Variants in DENND1B observed in about 807,000 individuals in gnomAD.
The protein encoded by DENND1B is DENN domain-containing protein 1B.
A neutral mutation model predicts 90.1 loss-of-function variants in DENND1B; 59 were observed. The ratio of observed to expected loss-of-function variants is 0.65; its 90% confidence interval spans 0.53 to 0.81. The LOEUF (loss-of-function observed/expected upper bound fraction) is 0.81. Ranked by LOEUF, DENND1B falls within the 40% of genes least tolerant of loss-of-function variation. The probability of loss-of-function intolerance (pLI) is 0.00; values close to 1 mark genes in which losing one functional copy is unlikely to be tolerated. For missense variants in DENND1B, 862 were observed against 912.6 expected, an observed-to-expected ratio of 0.94 and a Z score of 0.71; for synonymous variants, 337 against 324.6, an observed-to-expected ratio of 1.04 and a Z score of -0.41.
At chr1:197,642,582 A>G in intron 10 of DENND1B, 129 bp downstream of exon 10, 1 of 561,860 alleles carries the variant, frequency 1.8e-6, no homozygotes. Flanking sequence ...GATTAAAACC[A>G]TACATCAAAA....
intron 2 of DENND1B, among the ~76,000 whole-genome samples, chr1:197,745,649 A>G (rs1663666667): frequency 6.8e-6 from 1 of 147,510 alleles, no homozygotes; most frequent in South Asian, 2.1e-4. Flanking sequence ...TAATATATAT[A>G]ATAATAATGA....
intron 2 of DENND1B, among the ~76,000 whole-genome samples, chr1:197,765,079 C>T (rs1387141670): frequency 1.3e-5 from 2 of 152,180 alleles, no homozygotes; most frequent in Non-Finnish European, 2.9e-5. Context: ...CTACTCTTCT[C>T]TTATTCAGTG....
intron 20 of DENND1B, among the ~76,000 whole-genome samples, chr1:197,529,242 A>ATATATATATATATG (rs1553277550): frequency 1.8e-4 from 2 of 10,864 alleles, no homozygotes; most frequent in African/African-American, 3.4e-4. Flanking sequence ...ATATATATAT[A>ATATATATATATATG]TGTGTGTGTG....
Position 197,649,166 on chromosome 1 carries a change from T to C in DENND1B, c.448-2052A>G, listed in dbSNP as rs80063032. 6.7e-4 allele frequency among the ~76,000 whole-genome samples: 102 copies of C among 152,274 alleles called. No individual in the cohort carries two copies. In the East Asian group the frequency reaches 0.02, roughly 29 times the overall value. On this transcript the variant is annotated intron_variant, in intron 7 of 22. Coordinates refer to ENST00000620048, the MANE Select transcript of DENND1B (RefSeq NM_001195215.2). ...AAAGCATGATGTTCATTCAAGAAGC[T>C]GAACAAAACAATGTGACCAGAATAG...
intron 2 of DENND1B, among the ~76,000 whole-genome samples, chr1:197,756,648 T>C (rs552781385): frequency 5.4e-4 from 80 of 147,182 alleles, no homozygotes; most frequent in African/African-American, 1.9e-3. Context: ...GGGAAAACAA[T>C]GGCATAAACA....
At chr1:197,637,987 G>C (rs1326178050) in intron 10 of DENND1B, among the ~76,000 whole-genome samples, 6 of 152,168 alleles carry the variant, frequency 3.9e-5, no homozygotes, top group Non-Finnish European at 8.8e-5. Context: ...TCCATTAAGA[G>C]ACAAATCAAG....
intron 2 of DENND1B, among the ~76,000 whole-genome samples, chr1:197,745,627 T>TG (rs1663656624): frequency 6.8e-6 from 1 of 146,734 alleles, no homozygotes; most frequent in South Asian, 2.1e-4. Context: ...TATATATATA[T>TG]ATATATATAT....
chr1:197,650,916 T>A (rs1653083879), intron 7 of DENND1B, among the ~76,000 whole-genome samples: 1 of 152,176 alleles, frequency 6.6e-6, no homozygotes, highest in Non-Finnish European at 1.5e-5. Context: ...TATGGTGTAG[T>A]GTATACTGCT....
chr1:197,643,912 T>C (rs1016981743), intron 9 of DENND1B, among the ~76,000 whole-genome samples: 2 of 152,186 alleles, frequency 1.3e-5, no homozygotes, highest in South Asian at 2.1e-4. Flanking sequence ...CAACAAGATA[T>C]AACAAACAAA....
At chr1:197,744,189 T>C (rs1375839386) in intron 2 of DENND1B, among the ~76,000 whole-genome samples, 2 of 152,192 alleles carry the variant, frequency 1.3e-5, no homozygotes, top group South Asian at 2.1e-4. Flanking sequence ...CCTCCTCCCA[T>C]GAATCATGAA....
At chr1:197,707,228 G>A (rs1216262074) in intron 3 of DENND1B, among the ~76,000 whole-genome samples, 3 of 152,128 alleles carry the variant, frequency 2.0e-5, no homozygotes, top group Admixed American at 2.0e-4. Context: ...TAGAAGTAGA[G>A]TAGAATAGTG....
At chr1:197,629,320 A>G (rs1200204841) in intron 10 of DENND1B, among the ~76,000 whole-genome samples, 1 of 152,114 alleles carries the variant, frequency 6.6e-6, no homozygotes, top group Non-Finnish European at 1.5e-5. Context: ...AATGTGGCAC[A>G]TATACACCAT....
intron 20 of DENND1B, among the ~76,000 whole-genome samples, chr1:197,535,141 T>A (rs1277621024): frequency 1.3e-5 from 2 of 152,188 alleles, no homozygotes; most frequent in Admixed American, 1.3e-4. Flanking sequence ...TTTTTGCTAG[T>A]GTAAGTGGCT....
At chr1:197,749,118 T>C (rs1358474131) in intron 2 of DENND1B, among the ~76,000 whole-genome samples, 2 of 149,794 alleles carry the variant, frequency 1.3e-5, no homozygotes, top group African/African-American at 4.9e-5. Flanking sequence ...CAAAAAATAC[T>C]GAGAAAAATA....
intron 12 of DENND1B, among the ~76,000 whole-genome samples, chr1:197,608,720 G>A (rs1676912900): frequency 6.6e-6 from 1 of 150,464 alleles, no homozygotes; most frequent in African/African-American, 2.4e-5. Flanking sequence ...AAAGCTATGT[G>A]CCCCCAAAGT....
intron 20 of DENND1B, among the ~76,000 whole-genome samples, chr1:197,515,619 G>A (rs1227615838): frequency 6.6e-6 from 1 of 151,764 alleles, no homozygotes; most frequent in African/African-American, 2.4e-5. Flanking sequence ...TAAAATCACT[G>A]CTACTTAAGA....
At chr1:197,511,626 G>T (rs1048386049) in intron 22 of DENND1B, 102 bp downstream of exon 22, 4 of 778,904 alleles carry the variant, frequency 5.1e-6, no homozygotes, top group Non-Finnish European at 7.5e-6. Flanking sequence ...TACCTACTTA[G>T]AGGTTAAATG....
At position 197,721,691 on chromosome 1, in the gene DENND1B, T is replaced by C. The variant is rs113457545; in HGVS notation, c.83-6617A>G. Reference sequence around the variant, plus strand: ...AATAAATAATTTATATTTTCCTTTATTACATATAGACTTGATATGACAACA... The same window carrying C: ...AATAAATAATTTATATTTTCCTTTACTACATATAGACTTGATATGACAACA... On this transcript the variant is annotated intron_variant, in intron 2 of 22. Coordinates refer to ENST00000620048, the MANE Select transcript of DENND1B (RefSeq NM_001195215.2). Among the ~76,000 whole-genome samples the C allele has an allele frequency of 3.0e-3, 453 of 152,154 alleles. 3 individuals carry two copies. Among genetic ancestry groups the C allele is most frequent in the South Asian group, 4.8e-3 (23 of 4,820 alleles).
chr1:197,725,743 T>TA (rs1661568026), intron 2 of DENND1B, among the ~76,000 whole-genome samples: 1 of 151,378 alleles, frequency 6.6e-6, no homozygotes, highest in South Asian at 2.1e-4. Flanking sequence ...AAGCAGAACA[T>TA]AAAGGGCCTT....
Sources: allele counts gnomAD v4.1 joint callset (sites outside exome capture counted in the v4.1 genomes callset), GRCh38; gene constraint gnomAD v4.1.1; transcripts MANE v1.5; gene names NCBI Gene and HGNC (gene_info 2026-07-23, HGNC 2026-07-21).